Variants in SAMD5 observed in about 807,000 individuals in gnomAD.
SAMD5 encodes sterile alpha motif domain-containing protein 5.
A neutral mutation model predicts 11.3 loss-of-function variants in SAMD5; 13 were observed. The ratio of observed to expected loss-of-function variants is 1.15; its 90% CI spans 0.75 to 1.83. The LOEUF (loss-of-function observed/expected upper bound fraction) is 1.83, where lower values mean the gene tolerates loss of function less well. SAMD5 is among the 40% of genes most tolerant of loss of function. The probability of loss-of-function intolerance (pLI) is 0.00; values close to 1 mark genes in which losing one functional copy is unlikely to be tolerated. For synonymous variants in SAMD5, 129 were observed against 111.3 expected (o/e 1.16, Z -1.00); for missense variants, 255 against 239.1 (o/e 1.07, Z -0.44).
the SAMD5 span, among the ~76,000 whole-genome samples, chr6:147,754,083 G>T: frequency 5.3e-5 from 8 of 152,196 alleles, no homozygotes; most frequent in South Asian, 2.1e-4. Flanking sequence ...GGATTACTGG[G>T]TCATATGGTA....
chr6:147,678,128 T>C (rs1376481028), intron 1 of SAMD5, among the ~76,000 whole-genome samples: 3 of 152,214 alleles, frequency 2.0e-5, no homozygotes, highest in African/African-American at 7.2e-5. Flanking sequence ...TTTATACGCC[T>C]GACTTAAACT....
At chr6:147,785,128 C>T in the SAMD5 span, among the ~76,000 whole-genome samples, 1 of 152,088 alleles carries the variant, frequency 6.6e-6, no homozygotes, top group Non-Finnish European at 1.5e-5. Flanking sequence ...TCATTCCTTC[C>T]ACCCAAATAT....
chr6:147,625,508 T>C lies in SAMD5; in HGVS notation c.163-111809T>C, dbSNP rs923615169. Reference sequence around the variant, plus strand: ...TGGCTAGGAGTCTGGTTTTTCTAACTTGGAGTTGCAATTCTTTTGAGAAAA... The same window carrying C: ...TGGCTAGGAGTCTGGTTTTTCTAACCTGGAGTTGCAATTCTTTTGAGAAAA... On this transcript the variant is annotated intron_variant, in intron 1 of 1. Transcript: ENST00000566741. Among the ~76,000 whole-genome samples the C allele has an allele frequency of 2.0e-5, 3 of 152,230 alleles. No individual in the cohort carries two copies. In the South Asian group the frequency reaches 6.2e-4, roughly 31 times the overall value.
At chr6:147,664,929 G>C (rs953460545) in intron 1 of SAMD5, among the ~76,000 whole-genome samples, 2 of 151,908 alleles carry the variant, frequency 1.3e-5, no homozygotes, top group Non-Finnish European at 2.9e-5. Context: ...TGTTCTCTGT[G>C]TTTGGCCTGC....
At chr6:147,741,287 G>A (rs756697737), downstream of SAMD5, 1 of 152,128 alleles carries the variant, frequency 6.6e-6, no homozygotes, top group Non-Finnish European at 1.5e-5. Context: ...TGAAGCCGTT[G>A]ACATACAATG....
chr6:147,509,052 G>A lies in SAMD5; in HGVS notation c.124G>A (p.Asp42Asn), dbSNP rs147569487. The A allele has an allele frequency of 1.4e-4, 225 of 1,606,440 alleles. No homozygotes were observed. In the African/African-American group the frequency reaches 2.7e-3, roughly 19 times the overall value. The change falls in exon 1 of 2, where the codon GAT becomes AAT. Residue 42 changes from aspartate (D) to asparagine (N), a missense_variant. By Grantham distance (23) the Asp-to-Asn change is conservative. Coordinates refer to ENST00000367474, the MANE Select transcript of SAMD5 (RefSeq NM_001030060.3). ...CAAGCAGATCGGGGACCCGGACCTG[G>A]ATGCCATCGGGGTGCTGGCGCCCGC... Reference protein sequence around the residue: ...VCKQIGDPDLDAIGVLAPAHR... With the variant: ...VCKQIGDPDLNAIGVLAPAHR...
chr6:147,788,929 A>C, the SAMD5 span, among the ~76,000 whole-genome samples: 1 of 151,724 alleles, frequency 6.6e-6, no homozygotes, highest in Admixed American at 6.6e-5. Context: ...TAAGAATACA[A>C]AAAAATTAGC....
chr6:147,666,352 A>C (rs1168229407), intron 1 of SAMD5, among the ~76,000 whole-genome samples: 1 of 152,296 alleles, frequency 6.6e-6, no homozygotes, highest in South Asian at 2.1e-4. Flanking sequence ...GTATTTTGAG[A>C]AGAGGGCCTT....
intron 1 of SAMD5, among the ~76,000 whole-genome samples, chr6:147,510,261 G>A (rs1788068108): frequency 6.6e-6 from 1 of 152,168 alleles, no homozygotes; most frequent in Admixed American, 6.5e-5. Flanking sequence ...TGGGAGCTGG[G>A]TAATTAACAG....
At chr6:147,807,898 C>T in the SAMD5 span, among the ~76,000 whole-genome samples, 1 of 152,178 alleles carries the variant, frequency 6.6e-6, no homozygotes, top group South Asian at 2.1e-4. Flanking sequence ...ACACCAGACA[C>T]GTGGCTTCTG....
the SAMD5 span, among the ~76,000 whole-genome samples, chr6:147,795,391 G>T: frequency 7.1e-6 from 1 of 140,500 alleles, no homozygotes; most frequent in Non-Finnish European, 1.5e-5. Flanking sequence ...CAAAGGACAT[G>T]AACTCATCAT....
chr6:147,611,885 G>A (rs1333330417), intron 1 of SAMD5, among the ~76,000 whole-genome samples: 2 of 152,148 alleles, frequency 1.3e-5, no homozygotes, highest in Non-Finnish European at 2.9e-5. Context: ...CTGGGAAAAG[G>A]ACAATTGTCA....
chr6:147,895,387 CCTTATAAA>C, the SAMD5 span, among the ~76,000 whole-genome samples: 4 of 152,130 alleles, frequency 2.6e-5, no homozygotes, highest in South Asian at 8.3e-4. Context: ...TAGCTTGCAT[CCTTATAAA>C]TTTATTCTTG....
intron 1 of SAMD5, among the ~76,000 whole-genome samples, chr6:147,589,254 C>A (rs1045616682): frequency 5.9e-5 from 9 of 152,140 alleles, no homozygotes; most frequent in African/African-American, 1.4e-4. Flanking sequence ...CCACCATGTC[C>A]TACCTGGCAT....
intron 1 of SAMD5, among the ~76,000 whole-genome samples, chr6:147,653,895 C>G (rs761150802): frequency 3.3e-5 from 5 of 152,086 alleles, no homozygotes; most frequent in Non-Finnish European, 5.9e-5. Context: ...CTAAGATATT[C>G]CCATGGGCAT....
chr6:147,801,878 C>T, the SAMD5 span, among the ~76,000 whole-genome samples: 22 of 152,240 alleles, frequency 1.4e-4, no homozygotes, highest in East Asian at 2.9e-3. Context: ...AAAAAGGAAC[C>T]TTGACCCCTA....
chr6:147,880,190 A>G, the SAMD5 span, among the ~76,000 whole-genome samples: 1 of 152,140 alleles, frequency 6.6e-6, no homozygotes, highest in Non-Finnish European at 1.5e-5. Context: ...AATCAGTCCA[A>G]GGTTGTCTAA....
the SAMD5 span, among the ~76,000 whole-genome samples, chr6:147,755,773 C>T: frequency 1.5e-4 from 23 of 151,918 alleles, no homozygotes; most frequent in Admixed American, 1.3e-3. Context: ...TTGCCAGGGA[C>T]CATGGAGAGC....
At chr6:147,515,187 T>G (rs1209193462) in intron 1 of SAMD5, among the ~76,000 whole-genome samples, 2 of 136,114 alleles carry the variant, frequency 1.5e-5, no homozygotes, top group African/African-American at 2.8e-5. Context: ...TTTTTTTTTT[T>G]TTTTTTTTTT....
Sources: gnomAD v4.1 joint callset for allele counts (sites outside exome capture counted in the v4.1 genomes callset) on GRCh38, gnomAD v4.1.1 for gene constraint, MANE v1.5 for transcripts, NCBI Gene and HGNC (gene_info 2026-07-23, HGNC 2026-07-21) for gene names.